The following KCNJ12 variants were observed in gnomAD, a reference collection of about 807,000 sequenced individuals.
The protein encoded by KCNJ12 is potassium inwardly rectifying channel subfamily J member 12.
Under a neutral mutation model 22.3 loss-of-function variants are expected in KCNJ12, and 2 were observed. That is an observed-to-expected ratio of 0.09 (90% CI 0.04 to 0.28). The LOEUF (loss-of-function observed/expected upper bound fraction) is 0.28. Ranked by LOEUF, KCNJ12 falls within the 10% of genes least tolerant of loss-of-function variation. The pLI is 1.00. For synonymous variants in KCNJ12, 117 were observed against 261.4 expected (o/e 0.45, Z 5.33); for missense variants, 155 against 633.3 (o/e 0.24, Z 8.11).
At chr17:21,399,755 T>C (rs541212808) in intron 1 of KCNJ12, among the ~76,000 whole-genome samples, 3 of 152,344 alleles carry the variant, frequency 2.0e-5, no homozygotes, top group African/African-American at 4.8e-5. Flanking sequence ...CCTAGGTCTC[T>C]ATTTCCACAG....
intron 1 of KCNJ12, among the ~76,000 whole-genome samples, chr17:21,380,131 C>T (rs1215464790): frequency 6.6e-6 from 1 of 152,176 alleles, no homozygotes; most frequent in East Asian, 1.9e-4. Flanking sequence ...CAGGCAGGTC[C>T]CACACAGGGC....
chr17:21,378,321 T>C (rs1309650759), intron 1 of KCNJ12, among the ~76,000 whole-genome samples: 1 of 152,204 alleles, frequency 6.6e-6, no homozygotes, highest in Non-Finnish European at 1.5e-5. Flanking sequence ...TTTCGCTCTT[T>C]TTGAGGGGTA....
rs1597580156 is a variant in KCNJ12, at chr17:21,411,539, C to T, written c.-57+2899C>T. Among the ~76,000 whole-genome samples, 5 of 152,430 alleles carry T rather than the reference C, an allele frequency of 3.3e-5. No homozygotes were observed. The East Asian group carries it at 9.6e-4, about 29-fold the overall frequency. The stretch of plus-strand genomic sequence containing the variant: ...CGGCGACCCTGGGACCCTGGCAGGC[C>T]AACCTGGGTGTCTGCGGAAAACGGT... On this transcript the variant is annotated intron_variant, in intron 2 of 2. Coordinates refer to ENST00000583088, the MANE Select transcript of KCNJ12 (RefSeq NM_021012.5).
chr17:21,379,346 G>C (rs1309585234), intron 1 of KCNJ12, among the ~76,000 whole-genome samples: 1 of 152,210 alleles, frequency 6.6e-6, no homozygotes, highest in African/African-American at 2.4e-5. Context: ...GCCCTCGCCA[G>C]GTCCCCAGGC....
intron 2 of KCNJ12, among the ~76,000 whole-genome samples, chr17:21,412,099 A>C (rs1377143130): frequency 6.6e-6 from 1 of 152,344 alleles, no homozygotes; most frequent in Admixed American, 6.5e-5. Context: ...CTGGGCTCCA[A>C]CTCTCTCTTC....
intron 1 of KCNJ12, among the ~76,000 whole-genome samples, chr17:21,404,495 C>G (rs1277850717): frequency 1.3e-5 from 2 of 152,288 alleles, no homozygotes; most frequent in African/African-American, 4.8e-5. Flanking sequence ...AATGCTTCCT[C>G]TTCAAGTCCT....
intron 1 of KCNJ12, among the ~76,000 whole-genome samples, chr17:21,381,582 T>G (rs1904870364): frequency 6.6e-6 from 1 of 152,086 alleles, no homozygotes; most frequent in South Asian, 2.1e-4. Flanking sequence ...GGAATGTTCT[T>G]TCCCAGATCT....
Position 21,411,262 on chromosome 17 carries a change from G to A in KCNJ12, c.-57+2622G>A, listed in dbSNP as rs1338980486. On this transcript the variant is annotated intron_variant, in intron 2 of 2. Transcript: ENST00000583088. The stretch of plus-strand genomic sequence containing the variant: ...ACCCTTAGGTCACGTGGCAGCTGCC[G>A]TCTGGCATCCTCTCTAAAAGCTCCC... Among the ~76,000 whole-genome samples, 64 of 152,366 alleles carry A rather than the reference G, an allele frequency of 4.2e-4. No homozygotes were observed. The East Asian group carries it at 4.2e-3, about 10-fold the overall frequency.
In KCNJ12 at chr17:21,418,016, A is replaced by C. The variant is rs1251856166; in HGVS notation, c.*1372A>C. On this transcript the variant is annotated 3_prime_UTR_variant, in exon 3 of 3. Coordinates refer to ENST00000583088, the MANE Select transcript of KCNJ12 (RefSeq NM_021012.5). Reference sequence around the variant, plus strand: ...CTGAATCAGAAACCAGCCGTGGAACAGAATTCCTGCCGAGTCTTCCAGGGC... The same window carrying C: ...CTGAATCAGAAACCAGCCGTGGAACCGAATTCCTGCCGAGTCTTCCAGGGC... 1 of 167,170 alleles carries C rather than the reference A, an allele frequency of 6.0e-6. No individual in the cohort carries two copies. The highest frequency in any genetic ancestry group is 1.5e-5 in the Non-Finnish European group (1 of 68,234). 10.4% of individuals were successfully genotyped at this position (167,170 alleles called of 1,614,324 possible).
intron 1 of KCNJ12, among the ~76,000 whole-genome samples, chr17:21,379,163 G>A (rs940665964): frequency 6.6e-6 from 1 of 152,222 alleles, no homozygotes; most frequent in Non-Finnish European, 1.5e-5. Context: ...AGCAGCAGCA[G>A]CACCTGCAGC....
chr17:21,389,259 G>T (rs1391364513), intron 1 of KCNJ12, among the ~76,000 whole-genome samples: 6 of 152,214 alleles, frequency 3.9e-5, no homozygotes, highest in Admixed American at 3.9e-4. Context: ...ACAGAGCATG[G>T]CTGGTCCAGG....
At chr17:21,400,466 C>T (rs1327750948) in intron 1 of KCNJ12, among the ~76,000 whole-genome samples, 1 of 152,308 alleles carries the variant, frequency 6.6e-6, no homozygotes, top group African/African-American at 2.4e-5. Flanking sequence ...TCTGTCTCCC[C>T]CGATCTGTGA....
intron 2 of KCNJ12, among the ~76,000 whole-genome samples, chr17:21,414,795 G>A (rs1906595804): frequency 6.6e-6 from 1 of 152,312 alleles, no homozygotes; most frequent in Non-Finnish European, 1.5e-5. Context: ...AGGCTGGGAG[G>A]TGAGGTCCGA....
chr17:21,382,966 C>A (rs1244088905), intron 1 of KCNJ12, among the ~76,000 whole-genome samples: 1 of 151,426 alleles, frequency 6.6e-6, no homozygotes, highest in Non-Finnish European at 1.5e-5. Context: ...AGGGTCCCCA[C>A]AGCCGGAGGT....
chr17:21,402,536 G>T (rs1361728714), intron 1 of KCNJ12, among the ~76,000 whole-genome samples: 5 of 152,310 alleles, frequency 3.3e-5, no homozygotes, highest in Admixed American at 6.5e-5. Context: ...AGAGCGATAG[G>T]CTTTCTGGAA....
intron 1 of KCNJ12, among the ~76,000 whole-genome samples, chr17:21,397,857 A>G (rs1905423948): frequency 6.6e-6 from 1 of 152,212 alleles, no homozygotes; most frequent in Non-Finnish European, 1.5e-5. Context: ...GGGATTAGCA[A>G]GTGGACCAGG....
intron 1 of KCNJ12, among the ~76,000 whole-genome samples, chr17:21,400,925 G>A (rs1274608622): frequency 6.6e-6 from 1 of 152,302 alleles, no homozygotes; most frequent in African/African-American, 2.4e-5. Flanking sequence ...ATGGGAGCAG[G>A]GAGGAGAGCT....
intron 1 of KCNJ12, among the ~76,000 whole-genome samples, chr17:21,398,452 A>T (rs1169575869): frequency 6.6e-6 from 1 of 152,096 alleles, no homozygotes; most frequent in African/African-American, 2.4e-5. Flanking sequence ...GCCAGGCCAG[A>T]CCTCTACGGC....
rs543530559 is a variant in KCNJ12 at position 21,379,983 on chromosome 17, C to G, written c.-179+3070C>G. ...CAGGGATTGGAGGCCCAGGGAGGCA[C>G]TGGAGGCACCAGCCTGTGGGGCTCA... On this transcript the variant is annotated intron_variant, in intron 1 of 2. Coordinates refer to ENST00000583088, the MANE Select transcript of KCNJ12 (RefSeq NM_021012.5). Among the ~76,000 whole-genome samples the G allele has an allele frequency of 3.3e-5, 5 of 152,262 alleles. No individual in the cohort carries two copies. The East Asian group carries it at 9.7e-4, about 29-fold the overall frequency.
Sources: allele counts gnomAD v4.1 joint callset (sites outside exome capture counted in the v4.1 genomes callset), GRCh38; gene constraint gnomAD v4.1.1; transcripts MANE v1.5; gene names NCBI Gene and HGNC (gene_info 2026-07-23, HGNC 2026-07-21).